The following EHBP1 variants were observed in gnomAD, a reference collection of about 807,000 sequenced individuals.
EHBP1 encodes the protein EH domain binding protein 1.
Under a neutral mutation model 144.0 loss-of-function variants are expected in EHBP1, and 55 were observed. That is an observed-to-expected ratio of 0.38 (90% CI 0.31 to 0.48). The LOEUF is 0.48. EHBP1 is among the 20% of genes least tolerant of loss of function. The pLI is 0.98. For missense variants in EHBP1, 1,200 were observed against 1,364.2 expected, an observed-to-expected ratio of 0.88 and a Z score of 1.90; for synonymous variants, 469 against 472.7, an observed-to-expected ratio of 0.99 and a Z score of 0.10.
At chr2:62,873,630 G>A (rs1040720896) in intron 9 of EHBP1, among the ~76,000 whole-genome samples, 16 of 152,082 alleles carry the variant, frequency 1.1e-4, no homozygotes, top group South Asian at 8.3e-4. Flanking sequence ...CAAGGAGTCT[G>A]AAACAGAATA....
At chr2:62,806,691 CTTTCT>C (rs2152513355) in intron 5 of EHBP1, among the ~76,000 whole-genome samples, 1 of 151,760 alleles carries the variant, frequency 6.6e-6, no homozygotes, top group Admixed American at 6.6e-5. Flanking sequence ...ATTCCACTTT[CTTTCT>C]TTTCTTAGCT....
intron 10 of EHBP1, among the ~76,000 whole-genome samples, chr2:62,893,798 C>T (rs1187355091): frequency 2.0e-5 from 3 of 152,122 alleles, no homozygotes; most frequent in Non-Finnish European, 4.4e-5. Flanking sequence ...AACCCCAGCT[C>T]CTTGGAAGGC....
intron 5 of EHBP1, among the ~76,000 whole-genome samples, chr2:62,781,109 C>G (rs903818787): frequency 6.6e-6 from 1 of 151,960 alleles, no homozygotes; most frequent in East Asian, 1.9e-4. Context: ...TTCCAGTATC[C>G]TACAGTCTGG....
chr2:63,026,269 T>G (rs1192426177), intron 19 of EHBP1, among the ~76,000 whole-genome samples: 2 of 150,166 alleles, frequency 1.3e-5, no homozygotes, highest in African/African-American at 4.9e-5. Context: ...TACCGAAGTT[T>G]GAGTAATGAA....
intron 8 of EHBP1, among the ~76,000 whole-genome samples, chr2:62,863,440 T>A (rs1480226699): frequency 1.3e-5 from 2 of 151,682 alleles, no homozygotes; most frequent in Non-Finnish European, 2.9e-5. Flanking sequence ...AAACTGTGTC[T>A]CAAAAAAAAA....
chr2:62,940,144 A>C (rs2056655809), intron 10 of EHBP1: 1 of 408,462 alleles, frequency 2.4e-6, no homozygotes, highest in South Asian at 2.0e-5. Flanking sequence ...CCTGTGGTAA[A>C]GGTTCTAAGA....
At chr2:62,912,520 C>G (rs1558902104) in intron 10 of EHBP1, among the ~76,000 whole-genome samples, 2 of 152,164 alleles carry the variant, frequency 1.3e-5, no homozygotes, top group East Asian at 1.9e-4. Context: ...TCGCTGCACT[C>G]CAGCCTGAGC....
At chr2:62,807,018 T>C (rs1558703762) in intron 5 of EHBP1, among the ~76,000 whole-genome samples, 1 of 152,202 alleles carries the variant, frequency 6.6e-6, no homozygotes, top group Non-Finnish European at 1.5e-5. Context: ...TGGCAGTCCT[T>C]ATTTGTGAGT....
intron 21 of EHBP1, among the ~76,000 whole-genome samples, chr2:63,039,490 T>C (rs528251749): frequency 6.6e-6 from 1 of 152,284 alleles, no homozygotes; most frequent in Admixed American, 6.5e-5. Context: ...AAATGTCTTA[T>C]AGTTCAAAGA....
At chr2:62,921,010 G>GTACAC (rs2055033832) in intron 10 of EHBP1, among the ~76,000 whole-genome samples, 1 of 152,078 alleles carries the variant, frequency 6.6e-6, no homozygotes, top group African/African-American at 2.4e-5. Context: ...AATTCTGTTT[G>GTACAC]GATAAACAGT....
intron 19 of EHBP1, among the ~76,000 whole-genome samples, chr2:63,021,795 C>T (rs2060760753): frequency 6.6e-6 from 1 of 151,646 alleles, no homozygotes; most frequent in Non-Finnish European, 1.5e-5. Context: ...AAAACGGAGT[C>T]TCACACTGTC....
At chr2:62,858,260 G>T in intron 7 of EHBP1, 2 of 521,256 alleles carry the variant, frequency 3.8e-6, no homozygotes, top group East Asian at 2.9e-5. Context: ...TATCTGTTAT[G>T]GGTTCATCAA....
chr2:62,838,491 A>C (rs1573627450), intron 7 of EHBP1, among the ~76,000 whole-genome samples: 1 of 152,192 alleles, frequency 6.6e-6, no homozygotes, highest in Non-Finnish European at 1.5e-5. Context: ...AACTAAAATC[A>C]GAGCAGAACT....
At chr2:62,735,951 G>A (rs1478748209) in intron 2 of EHBP1, among the ~76,000 whole-genome samples, 1 of 151,558 alleles carries the variant, frequency 6.6e-6, no homozygotes, top group Admixed American at 6.6e-5. Flanking sequence ...TTTTATCTTT[G>A]ATTTTCTGTA....
At chr2:62,950,716 A>G (rs2057328597) in intron 13 of EHBP1, among the ~76,000 whole-genome samples, 1 of 151,672 alleles carries the variant, frequency 6.6e-6, no homozygotes, top group Non-Finnish European at 1.5e-5. Context: ...ACAGAGTTTC[A>G]CTCTTGTTGC....
At chr2:63,014,119 A>G (rs1196183197) in intron 19 of EHBP1, among the ~76,000 whole-genome samples, 1 of 152,212 alleles carries the variant, frequency 6.6e-6, no homozygotes, top group African/African-American at 2.4e-5. Flanking sequence ...GATTATTAGA[A>G]AGGATGGGTT....
At chr2:62,706,389 C>G (rs1016760160) in intron 1 of EHBP1, 1 of 152,302 alleles carries the variant, frequency 6.6e-6, no homozygotes, top group Non-Finnish European at 1.5e-5. Flanking sequence ...CTGGAGATTT[C>G]CCTCCACTCC....
intron 15 of EHBP1, among the ~76,000 whole-genome samples, chr2:62,982,149 A>C (rs781405942): frequency 1.3e-5 from 2 of 152,178 alleles, no homozygotes; most frequent in Admixed American, 1.3e-4. Context: ...AGGACAAGGA[A>C]GAAGGTAAAA....
chr2:62,847,715 T>C (rs1449583013), intron 7 of EHBP1, among the ~76,000 whole-genome samples: 8 of 152,118 alleles, frequency 5.3e-5, no homozygotes, highest in Non-Finnish European at 1.0e-4. Context: ...AAGTCATAGA[T>C]TAGAAGAAAA....
Sources: allele counts gnomAD v4.1 joint callset (sites outside exome capture counted in the v4.1 genomes callset), GRCh38; gene constraint gnomAD v4.1.1; transcripts MANE v1.5; gene names NCBI Gene and HGNC (gene_info 2026-07-23, HGNC 2026-07-21).